CCDC82: variants seen among roughly 807,000 people sequenced by gnomAD.
CCDC82 encodes the protein coiled-coil domain containing 82.
In CCDC82, 47 loss-of-function variants were observed where a neutral mutation model predicts 60.6. The ratio of observed to expected loss-of-function variants is 0.77; its 90% CI spans 0.61 to 0.99. CCDC82 has a LOEUF of 0.99. CCDC82 is among the 50% of genes least tolerant of loss of function. CCDC82 has a pLI of 0.00. For missense variants in CCDC82, 588 were observed against 633.0 expected, an observed-to-expected ratio of 0.93 and a Z score of 0.76; for synonymous variants, 212 against 207.4, an observed-to-expected ratio of 1.02 and a Z score of -0.19.
intron 2 of CCDC82, chr11:96,387,167 A>G (rs984425347): frequency 6.6e-6 from 1 of 152,266 alleles, no homozygotes; most frequent in African/African-American, 2.4e-5. Flanking sequence ...AACAATGACA[A>G]ATATGGTTGC....
chr11:96,381,637 C>A (rs1865882912), intron 5 of CCDC82: 1 of 151,678 alleles, frequency 6.6e-6, no homozygotes, highest in East Asian at 1.9e-4. Flanking sequence ...ATATATCCTA[C>A]ATTTTCAGGT....
intron 9 of CCDC82, chr11:96,356,276 GA>G (rs1229935751): frequency 7.2e-5 from 20 of 279,510 alleles, no homozygotes; most frequent in African/African-American, 4.1e-4. Flanking sequence ...GGAAAAAGTT[GA>G]AAAGGAGGGG....
At chr11:96,377,379 T>C (rs75941619) in intron 5 of CCDC82, among the ~76,000 whole-genome samples, 7,688 of 138,140 alleles carry the variant, frequency 0.056, 272 homozygotes, top group Middle Eastern at 0.084. Context: ...CACACACACA[T>C]ATTATGTTCA....
chr11:96,362,367 G>A (rs545993421), intron 8 of CCDC82, among the ~76,000 whole-genome samples: 36 of 152,184 alleles, frequency 2.4e-4, no homozygotes, highest in African/African-American at 8.4e-4. Flanking sequence ...TTCTGTTTCT[G>A]GGTCTTCAGA....
At position 96,352,987 on chromosome 11, in the gene CCDC82, A is replaced by G. The variant is rs1864159750; in HGVS notation, c.*659T>C. On this transcript the variant is annotated 3_prime_UTR_variant, in exon 10 of 10. Transcript: ENST00000646818. ...AATATATAGACAAAATTGAATAGAA[A>G]AAAGTAAGAACATTATAAAGCATGA... is the stretch of plus-strand genomic sequence containing the variant. 1 of 152,254 alleles carries G rather than the reference A, an allele frequency of 6.6e-6. No individual in the cohort carries two copies. The highest frequency in any genetic ancestry group is 2.4e-5 in the African/African-American group (1 of 41,480). 9.4% of individuals were successfully genotyped at this position (152,254 alleles called of 1,614,324 possible). A position where few individuals can be genotyped will look rare whatever the true frequency, so the allele number is the denominator to read the frequency against.
Position 96,353,700 on chromosome 11 carries a change from A to G in CCDC82, c.1581T>C (p.Leu527=). The change falls in exon 10 of 10, where the codon CTT becomes CTC. Residue 527 remains leucine, a synonymous_variant. Coordinates refer to ENST00000646818, the MANE Select transcript of CCDC82 (RefSeq NM_024725.4). The part of the protein sequence containing the change: ...NGWIKEKYGQ[L]EEYLNFADYF... ...AATCCGCAAAATTGAGATATTCTTC[A>G]AGTTGACCATATTTCTGCATATACA... The G allele has an allele frequency of 1.2e-6, 2 of 1,609,872 alleles. No homozygotes were observed. The highest frequency in any genetic ancestry group is 1.7e-6 in the Non-Finnish European group (2 of 1,178,128).
intron 2 of CCDC82, chr11:96,386,922 C>A (rs1866226701): frequency 6.6e-6 from 1 of 152,186 alleles, no homozygotes; most frequent in South Asian, 2.1e-4. Context: ...AATACGTCCA[C>A]CCAGTTTCTC....
chr11:96,353,010 T>C lies in CCDC82; in HGVS notation c.*636A>G, dbSNP rs1418137856. On this transcript the variant is annotated 3_prime_UTR_variant, in exon 10 of 10. Coordinates refer to ENST00000646818, the MANE Select transcript of CCDC82 (RefSeq NM_024725.4). ...AAAAAAGTAAGAACATTATAAAGCA[T>C]GAAAATTTACATAAAATTATTCCTG... 1 of 152,174 alleles carries C rather than the reference T, an allele frequency of 6.6e-6. No homozygotes were observed. The highest frequency in any genetic ancestry group is 1.5e-5 in the Non-Finnish European group (1 of 68,008). The allele number at this position is 152,174 out of a possible 1,614,324, so 9.4% of individuals were successfully genotyped here.
chr11:96,373,523 T>A, intron 5 of CCDC82, 56 bp from the exon 6 acceptor site: 4 of 1,026,744 alleles, frequency 3.9e-6, no homozygotes, highest in Non-Finnish European at 6.0e-6. Context: ...ATTTCTTGAA[T>A]ACAATAGGTT....
In CCDC82 at chr11:96,375,319, C is replaced by A. The variant is rs369555196; in HGVS notation, c.992-1852G>T. On this transcript the variant is annotated intron_variant, in intron 5 of 9. Transcript: ENST00000646818. ...CTAACTGCTGCTCTATTTCAAAGACCCTGAGAGGAAATTGAAAGGGCAGAG... is the reference window on the plus strand; with the variant it reads ...CTAACTGCTGCTCTATTTCAAAGACACTGAGAGGAAATTGAAAGGGCAGAG... 4.2e-4 allele frequency among the ~76,000 whole-genome samples: 64 copies of A among 152,134 alleles called. No homozygotes were observed. The South Asian group carries it at 0.013, about 31-fold the overall frequency.
At chr11:96,357,001 A>T in intron 9 of CCDC82, 2 of 985,504 alleles carry the variant, frequency 2.0e-6, no homozygotes, top group Non-Finnish European at 2.4e-6. Context: ...TGGAGACGGC[A>T]TTCAAGTAAC....
intron 9 of CCDC82, 140 bp downstream of exon 9, chr11:96,358,853 G>A: frequency 1.2e-6 from 1 of 858,444 alleles, no homozygotes; most frequent in Non-Finnish European, 1.8e-6. Context: ...TGAAAGGAAT[G>A]AGCGGAAGAA....
In CCDC82 at chr11:96,359,018, G is replaced by A; in HGVS notation, c.1541C>T (p.Ser514Leu). 6.2e-7 allele frequency: 1 copy of A among 1,607,294 alleles called. No individual in the cohort carries two copies. Among genetic ancestry groups the A allele is most frequent in the Non-Finnish European group, 8.5e-7 (1 of 1,177,960 alleles). ...KETVERIFRR[S>L]KENGWIKEKY... is the part of the protein sequence containing the mutation. ...CTCCTTAATCCAGCCATTTTCTTTT[G>A]ACCGCCTGAAAATTCTTTCCACTGT... The change falls in exon 9 of 10, where the codon TCA becomes TTA. Residue 514 changes from serine to leucine, a missense_variant. Coordinates refer to ENST00000646818, the MANE Select transcript of CCDC82 (RefSeq NM_024725.4).
At position 96,356,542 on chromosome 11, in the gene CCDC82, T is replaced by C. The variant is rs528596584; in HGVS notation, c.1566+2451A>G. ...TTCAACTTCCCAGGAAGTCCCATCA[T>C]CATATACACTTTCTTCTTAATGAAC... On this transcript the variant is annotated intron_variant, in intron 9 of 9. Transcript: ENST00000646818. 98 of 985,364 alleles carry C rather than the reference T, an allele frequency of 9.9e-5. No homozygotes were observed. In the South Asian group the frequency reaches 4.0e-3, roughly 40 times the overall value. 61.0% of individuals were successfully genotyped at this position (985,364 alleles called of 1,614,324 possible).
intron 7 of CCDC82, among the ~76,000 whole-genome samples, chr11:96,368,990 T>G (rs1014744790): frequency 6.6e-6 from 1 of 152,240 alleles, no homozygotes; most frequent in African/African-American, 2.4e-5. Flanking sequence ...GCTTCTCCAT[T>G]AGCACTTGCT....
intron 5 of CCDC82, among the ~76,000 whole-genome samples, chr11:96,380,210 T>C (rs966790922): frequency 6.6e-6 from 1 of 151,390 alleles, no homozygotes; most frequent in Non-Finnish European, 1.5e-5. Context: ...TACTGGGAAA[T>C]GGGAACAAAA....
intron 7 of CCDC82, among the ~76,000 whole-genome samples, chr11:96,369,862 T>C (rs1189696272): frequency 1.3e-5 from 2 of 152,230 alleles, no homozygotes; most frequent in East Asian, 3.8e-4. Context: ...GGTATGCTTA[T>C]ATATGCTATT....
chr11:96,389,035 G>A (rs1214293251), intron 1 of CCDC82: 1 of 152,184 alleles, frequency 6.6e-6, no homozygotes, highest in African/African-American at 2.4e-5. Flanking sequence ...GGGCTACAGT[G>A]TATGATTAAG....
At chr11:96,389,370 T>C (rs976671412) in intron 1 of CCDC82, 49 of 152,318 alleles carry the variant, frequency 3.2e-4, no homozygotes, top group Admixed American at 1.8e-3. Flanking sequence ...CAAACCTCTT[T>C]GGCGGGACGC....
Sources: allele counts gnomAD v4.1 joint callset (sites outside exome capture counted in the v4.1 genomes callset), GRCh38; gene constraint gnomAD v4.1.1; transcripts MANE v1.5; gene names NCBI Gene and HGNC (gene_info 2026-07-23, HGNC 2026-07-21).